Variants in GABRG2 observed in about 807,000 individuals in gnomAD.
The protein encoded by GABRG2 is gamma-aminobutyric acid receptor subunit gamma-2.
In GABRG2, 16 loss-of-function variants were observed where a neutral mutation model predicts 56.4. The ratio of observed to expected loss-of-function variants is 0.28; its 90% CI spans 0.19 to 0.43. GABRG2 has a LOEUF of 0.43. Ranked by LOEUF, GABRG2 falls within the 20% of genes least tolerant of loss-of-function variation. The pLI, the probability that GABRG2 is intolerant of heterozygous loss-of-function variation, is 1.00. For synonymous variants in GABRG2, 208 were observed against 205.5 expected (o/e 1.01, Z -0.10); for missense variants, 327 against 582.7 (o/e 0.56, Z 4.52).
chr5:162,153,112 G>T lies in GABRG2; in HGVS notation c.1172G>T (p.Arg391Leu), dbSNP rs528036202. ...TCCCAGGCCCCTACCATTGATATCC[G>T]CCCAAGATCAGCAACCATTCAAATG... ...FSFKAPTIDI[R>L]PRSATIQMNN... Residue 391 changes from arginine to leucine, a missense_variant, in exon 10 of 10, where the codon CGC (arginine) becomes CTC (leucine). Around this residue, in one of 4 missense-constraint regions of GABRG2, gnomAD observed 108 missense variants for 144.2 expected, o/e 0.75. Transcript: ENST00000639213. 1.2e-6 allele frequency: 2 copies of T among 1,613,830 alleles called. No homozygotes were observed. The highest frequency in any genetic ancestry group is 2.2e-5 in the South Asian group (2 of 91,064).
intron 6 of GABRG2, among the ~76,000 whole-genome samples, chr5:162,130,116 T>C (rs1204484957): frequency 6.6e-6 from 1 of 151,960 alleles, no homozygotes; most frequent in African/African-American, 2.4e-5. Flanking sequence ...GGTTTTAAAA[T>C]ATATATTGGC....
At chr5:162,149,415 C>A in intron 8 of GABRG2, 102 bp downstream of exon 8, 1 of 1,096,402 alleles carries the variant, frequency 9.1e-7, no homozygotes, top group Non-Finnish European at 1.4e-6. Flanking sequence ...GTTTGGGCTC[C>A]AAGATGAAAA....
intron 5 of GABRG2, chr5:162,101,917 C>T (rs1761448396): frequency 6.5e-6 from 1 of 154,734 alleles, no homozygotes; most frequent in Non-Finnish European, 1.4e-5. Context: ...GAATCAAAGC[C>T]AAGCAAACCT....
In GABRG2 at chr5:162,097,777, A is replaced by G. The variant is rs748607809; in HGVS notation, c.467A>G (p.Lys156Arg). 5 of 1,613,912 alleles carry G rather than the reference A, an allele frequency of 3.1e-6. No individual in the cohort carries two copies. Among genetic ancestry groups the G allele is most frequent in the Admixed American group, 3.3e-5 (2 of 59,970 alleles). The change falls in exon 4 of 10, where the codon AAA (lysine) becomes AGA (arginine). Residue 156 changes from lysine to arginine, a missense_variant. By Grantham distance (26) the Lys-to-Arg change is conservative (BLOSUM62 2). Coordinates refer to ENST00000639213, the MANE Select transcript of GABRG2 (RefSeq NM_198904.4). The part of the protein sequence containing the change: ...WIPDTFFRNS[K>R]KADAHWITTP... ...CCAGACACTTTCTTCAGAAATTCCA[A>G]AAAAGCTGATGCACACTGGATCACC...
chr5:162,069,535 A>G (rs1758500677), intron 1 of GABRG2, among the ~76,000 whole-genome samples: 1 of 152,152 alleles, frequency 6.6e-6, no homozygotes, highest in Non-Finnish European at 1.5e-5. Flanking sequence ...AGACAGATAG[A>G]TTTATGATAA....
At chr5:162,145,687 C>A (rs1346907024) in intron 7 of GABRG2, among the ~76,000 whole-genome samples, 1 of 152,166 alleles carries the variant, frequency 6.6e-6, no homozygotes, top group Non-Finnish European at 1.5e-5. Context: ...ATTTAACTTG[C>A]ATGTCAAAAT....
At chr5:162,128,292 G>C (rs1581413212) in intron 6 of GABRG2, 3 of 151,862 alleles carry the variant, frequency 2.0e-5, no homozygotes, top group African/African-American at 7.3e-5. Context: ...ATTCTCATCT[G>C]GGTCATTCAA....
In GABRG2 at chr5:162,093,860, A is replaced by G. The variant is rs1760798437; in HGVS notation, c.140A>G (p.Glu47Gly). The change falls in exon 2 of 10, where the codon GAA becomes GGA. Residue 47 changes from glutamate to glycine, a missense_variant. Glu to Gly is a moderately conservative substitution (Grantham distance 98). This residue lies in a region of GABRG2 where 73 missense variants were observed against 72.2 expected (regional missense o/e 1.01). Coordinates refer to ENST00000639213, the MANE Select transcript of GABRG2 (RefSeq NM_198904.4). ...FTSQKSDDDY[E>G]DYASNKTWVL... ...AGCCAGAAATCTGATGATGACTATG[A>G]AGATTATGCTTCTAACAAAACATGG... 1.9e-6 allele frequency: 3 copies of G among 1,613,214 alleles called. No individual in the cohort carries two copies. Among genetic ancestry groups the G allele is most frequent in the Non-Finnish European group, 2.5e-6 (3 of 1,179,458 alleles).
chr5:162,107,775 T>A (rs1455230449), intron 6 of GABRG2, among the ~76,000 whole-genome samples: 1 of 152,110 alleles, frequency 6.6e-6, no homozygotes, highest in African/African-American at 2.4e-5. Context: ...GCGTGAACAC[T>A]CAGAGTCATG....
chr5:162,085,835 T>C (rs1399090486), intron 1 of GABRG2, among the ~76,000 whole-genome samples: 1 of 151,962 alleles, frequency 6.6e-6, no homozygotes, highest in Non-Finnish European at 1.5e-5. Flanking sequence ...CGGTATTTGG[T>C]TTTCTGTTCC....
intron 1 of GABRG2, among the ~76,000 whole-genome samples, chr5:162,092,005 C>A (rs148624273): frequency 1.3e-5 from 2 of 152,184 alleles, no homozygotes; most frequent in African/African-American, 4.8e-5. Flanking sequence ...GACGAACCTA[C>A]CATATCCTTT....
chr5:162,147,486 C>T (rs1354830606), intron 7 of GABRG2, among the ~76,000 whole-genome samples: 3 of 151,786 alleles, frequency 2.0e-5, no homozygotes, highest in African/African-American at 4.8e-5. Flanking sequence ...TGCCTCAGCC[C>T]CTCGAGTAGC....
chr5:162,108,721 A>G (rs1191290618), intron 6 of GABRG2, among the ~76,000 whole-genome samples: 3 of 152,156 alleles, frequency 2.0e-5, no homozygotes, highest in Non-Finnish European at 4.4e-5. Flanking sequence ...AAGGATTAAG[A>G]AACATACTAC....
At chr5:162,100,152 A>G (rs1761307954) in intron 4 of GABRG2, 2 of 152,116 alleles carry the variant, frequency 1.3e-5, no homozygotes, top group African/African-American at 2.4e-5. Flanking sequence ...TAAATGCATA[A>G]TAATACTTAT....
intron 1 of GABRG2, among the ~76,000 whole-genome samples, chr5:162,079,680 A>G (rs1759490531): frequency 6.6e-6 from 1 of 152,032 alleles, no homozygotes; most frequent in South Asian, 2.1e-4. Flanking sequence ...CTTGTAGACA[A>G]TGTCATACCT....
intron 6 of GABRG2, among the ~76,000 whole-genome samples, chr5:162,139,735 A>G (rs1364920781): frequency 2.0e-5 from 3 of 152,222 alleles, no homozygotes; most frequent in Non-Finnish European, 4.4e-5. Flanking sequence ...AAAATTGTCT[A>G]GCTTTATTTA....
chr5:162,140,395 A>G (rs1764471625), intron 6 of GABRG2, among the ~76,000 whole-genome samples: 1 of 152,188 alleles, frequency 6.6e-6, no homozygotes. Context: ...TACTCCCTCA[A>G]AGAGCAGCCA....
At chr5:162,068,177 G>A in intron 1 of GABRG2, 71 bp downstream of exon 1, 3 of 1,002,676 alleles carry the variant, frequency 3.0e-6, no homozygotes, top group Non-Finnish European at 4.8e-6. Context: ...GGGGTAACTC[G>A]GGAGACCACC....
Position 162,085,894 on chromosome 5 carries a change from GC to G in GABRG2, c.108-7933del, listed in dbSNP as rs1423685909. Reference sequence around the variant, plus strand: ...GGTCTCCAGCTCCATTCATGTCCCTGCAAAGGACATGATCTCATTGTTTTTT... The same window carrying G: ...GGTCTCCAGCTCCATTCATGTCCCTGAAAGGACATGATCTCATTGTTTTTT... On this transcript the variant is annotated intron_variant, in intron 1 of 9. Coordinates refer to ENST00000639213, the MANE Select transcript of GABRG2 (RefSeq NM_198904.4). Among the ~76,000 whole-genome samples, 8 of 151,716 alleles carry G rather than the reference GC, an allele frequency of 5.3e-5. No homozygotes were observed. The East Asian group carries it at 1.4e-3, about 26-fold the overall frequency.
Sources: allele counts gnomAD v4.1 joint callset (sites outside exome capture counted in the v4.1 genomes callset), GRCh38; gene constraint gnomAD v4.1.1; regional missense constraint gnomAD v4.1.1; transcripts MANE v1.5; gene names NCBI Gene and HGNC (gene_info 2026-07-23, HGNC 2026-07-21).